The following CSMD2 variants were observed in gnomAD, a reference collection of about 807,000 sequenced individuals.
The protein encoded by CSMD2 is CUB and sushi domain-containing protein 2.
CSMD2 carries 130 observed loss-of-function variants against 398.5 expected under a neutral mutation model. That is an observed-to-expected ratio of 0.33 (90% CI 0.28 to 0.38). The LOEUF is 0.38. CSMD2 is among the 10% of genes least tolerant of loss of function. CSMD2 has a pLI of 1.00. For missense variants in CSMD2, 3,829 were observed against 4,764.9 expected (o/e 0.80, Z 5.78); for synonymous variants, 1,828 against 1,908.5 (o/e 0.96, Z 1.10).
chr1:33,713,213 T>C (rs1646050134), intron 21 of CSMD2, among the ~76,000 whole-genome samples: 1 of 152,130 alleles, frequency 6.6e-6, no homozygotes, highest in Non-Finnish European at 1.5e-5. Context: ...CACCTTGGCC[T>C]GCATGAGTGC....
At position 33,662,447 on chromosome 1, in the gene CSMD2, C is replaced by G. The variant is rs574065491; in HGVS notation, c.4255+443G>C. On this transcript the variant is annotated intron_variant, in intron 26 of 70. Coordinates refer to ENST00000373381, the MANE Select transcript of CSMD2 (RefSeq NM_001281956.2). ...CATGTGTTCTTTGCACCTAGGATGC[C>G]CTTTTCTCTCTTTTCCATCTAATAG... Among the ~76,000 whole-genome samples, 4 of 152,276 alleles carry G rather than the reference C, an allele frequency of 2.6e-5. 1 individual carries two copies. Among genetic ancestry groups the G allele is most frequent in the African/African-American group, 9.6e-5 (4 of 41,556 alleles).
chr1:33,694,420 ATT>A (rs1645348108), intron 24 of CSMD2, among the ~76,000 whole-genome samples: 1 of 152,166 alleles, frequency 6.6e-6, no homozygotes, highest in Admixed American at 6.5e-5. Context: ...ATCCCCAGAT[ATT>A]GAGGGAGGAA....
intron 65 of CSMD2, 130 bp downstream of exon 65, chr1:33,527,066 C>T: frequency 1.2e-6 from 1 of 853,988 alleles, no homozygotes; most frequent in Admixed American, 1.8e-5. Context: ...GGAAAGCCAT[C>T]CAGATTTATA....
intron 40 of CSMD2, among the ~76,000 whole-genome samples, chr1:33,612,955 C>T (rs1187023702): frequency 6.6e-6 from 1 of 152,216 alleles, no homozygotes; most frequent in African/African-American, 2.4e-5. Flanking sequence ...GCCCAGGCAT[C>T]GTCCCCTCAT....
At chr1:33,770,891 A>T (rs2149325637) in intron 13 of CSMD2, among the ~76,000 whole-genome samples, 1 of 152,284 alleles carries the variant, frequency 6.6e-6, no homozygotes, top group Admixed American at 6.5e-5. Context: ...CAGCACTTCA[A>T]GGTCTTCTGC....
intron 1 of CSMD2, among the ~76,000 whole-genome samples, chr1:34,123,834 G>A (rs1662469054): frequency 2.0e-5 from 3 of 152,268 alleles, no homozygotes; most frequent in African/African-American, 7.2e-5. Context: ...CATGGCTTAA[G>A]AGAGCTTTTC....
At position 33,690,525 on chromosome 1, in the gene CSMD2, C is replaced by G. The variant is rs35577981; in HGVS notation, c.4052+2405G>C. The stretch of plus-strand genomic sequence containing the variant: ...ATATAATGCCAGCATCTGGCACAGG[C>G]ACAACCAGGTAGTAAACAAACAGAT... On this transcript the variant is annotated intron_variant, in intron 25 of 70. Transcript: ENST00000373381. 5.8e-3 allele frequency among the ~76,000 whole-genome samples: 886 copies of G among 152,308 alleles called. 4 individuals carry two copies. The highest frequency in any genetic ancestry group is 9.5e-3 in the Non-Finnish European group (644 of 68,024).
chr1:33,763,269 T>TC (rs1423048036), intron 13 of CSMD2, among the ~76,000 whole-genome samples: 1 of 152,042 alleles, frequency 6.6e-6, no homozygotes, highest in East Asian at 1.9e-4. Flanking sequence ...CACAAAACTT[T>TC]CCCCAAGCAA....
At chr1:33,743,206 T>G in intron 14 of CSMD2, 74 bp downstream of exon 14, 2 of 1,320,956 alleles carry the variant, frequency 1.5e-6, no homozygotes, top group Non-Finnish European at 2.1e-6. Context: ...CCTCCCTCCA[T>G]GGGAGCACCT....
Position 33,846,891 on chromosome 1 carries a change from T to G in CSMD2, c.1026A>C (p.Gln342His). ...GNHRQRGFSAQYQVKKQIELK... is the reference protein window; with the variant it reads ...GNHRQRGFSAHYQVKKQIELK... ...GTCCTGGGACCTGCCTACCTTGGTA[T>G]TGGGCACTGAATCCGCGCTGCCGGT... The change falls in exon 6 of 71, where the codon CAA (glutamine) becomes CAC (histidine). Residue 342 changes from glutamine to histidine, a missense_variant. Physicochemically the swap from Gln to His is conservative, Grantham distance 24. Transcript: ENST00000373381. 1.3e-6 allele frequency: 2 copies of G among 1,599,272 alleles called. No individual in the cohort carries two copies. The highest frequency in any genetic ancestry group is 1.7e-6 in the Non-Finnish European group (2 of 1,171,608).
intron 26 of CSMD2, among the ~76,000 whole-genome samples, chr1:33,661,846 T>A (rs951336586): frequency 6.6e-6 from 1 of 152,054 alleles, no homozygotes; most frequent in African/African-American, 2.4e-5. Context: ...CCTTAGCTGA[T>A]ACACCAACTG....
chr1:34,011,419 G>C (rs1483755819), intron 3 of CSMD2, among the ~76,000 whole-genome samples: 1 of 152,160 alleles, frequency 6.6e-6, no homozygotes, highest in African/African-American at 2.4e-5. Flanking sequence ...AAACGTTGCA[G>C]TGTTTCCATC....
rs764459102 is a variant in CSMD2 at position 33,587,146 on chromosome 1, A to T, written c.6879T>A (p.Pro2293=). 5 of 1,610,186 alleles carry T rather than the reference A, an allele frequency of 3.1e-6. No homozygotes were observed. Among genetic ancestry groups the T allele is most frequent in the Non-Finnish European group, 4.2e-6 (5 of 1,178,562 alleles). The part of the protein sequence containing the change: ...AFSAYPLTKC[P]PPTILPNAEV... Reference sequence around the variant, plus strand: ...CGGCGTTGGGGAGGATGGTGGGAGGAGGGCATTTGGTGAGTGGATAAGCTG... The same window carrying T: ...CGGCGTTGGGGAGGATGGTGGGAGGTGGGCATTTGGTGAGTGGATAAGCTG... Residue 2293 remains proline (P), a synonymous_variant, in exon 45 of 71, where the codon CCT becomes CCA. Transcript: ENST00000373381.
intron 2 of CSMD2, among the ~76,000 whole-genome samples, chr1:34,066,427 T>TTC (rs1467650298): frequency 1.3e-5 from 2 of 152,098 alleles, no homozygotes; most frequent in Non-Finnish European, 2.9e-5. Flanking sequence ...CCTTTGCATC[T>TTC]TGAAACACCA....
chr1:33,556,710 G>T (rs1658011842), intron 55 of CSMD2, among the ~76,000 whole-genome samples: 1 of 152,176 alleles, frequency 6.6e-6, no homozygotes, highest in South Asian at 2.1e-4. Flanking sequence ...TCCACGTGTT[G>T]TGGGAGAGAC....
chr1:33,521,196 C>T (rs1193496576), intron 68 of CSMD2, among the ~76,000 whole-genome samples: 2 of 152,148 alleles, frequency 1.3e-5, no homozygotes, highest in East Asian at 3.9e-4. Flanking sequence ...ATCTAAGAGC[C>T]AATGTCCCTG....
chr1:33,841,784 T>A (rs986123479), intron 6 of CSMD2, among the ~76,000 whole-genome samples: 1 of 152,006 alleles, frequency 6.6e-6, no homozygotes, highest in East Asian at 1.9e-4. Flanking sequence ...GAAGTAGGGG[T>A]GGAAACCTGA....
intron 6 of CSMD2, among the ~76,000 whole-genome samples, chr1:33,840,482 G>A (rs1017194156): frequency 5.9e-5 from 9 of 152,138 alleles, no homozygotes; most frequent in African/African-American, 2.2e-4. Context: ...CCAACGCACT[G>A]CAAAATCATG....
At chr1:33,603,543 G>C (rs1169337916) in intron 42 of CSMD2, among the ~76,000 whole-genome samples, 1 of 152,216 alleles carries the variant, frequency 6.6e-6, no homozygotes, top group Non-Finnish European at 1.5e-5. Context: ...CCTGAAAGTG[G>C]TGCACAGGTA....
Sources: allele counts gnomAD v4.1 joint callset (sites outside exome capture counted in the v4.1 genomes callset), GRCh38; gene constraint gnomAD v4.1.1; transcripts MANE v1.5; gene names NCBI Gene and HGNC (gene_info 2026-07-23, HGNC 2026-07-21).